The following DTNB variants were observed in gnomAD, a reference collection of about 807,000 sequenced individuals.
DTNB encodes DTN-B.
In DTNB, 63 loss-of-function variants were observed where a neutral mutation model predicts 90.7. The ratio of observed to expected loss-of-function variants is 0.69; its 90% CI spans 0.57 to 0.86. The LOEUF (loss-of-function observed/expected upper bound fraction) is 0.86. Among genes scored for constraint, DTNB ranks in the 40% least tolerant of loss-of-function variants. The pLI, the probability that DTNB is intolerant of heterozygous loss-of-function variation, is 0.00. For missense variants in DTNB, 744 were observed against 807.1 expected (o/e 0.92, Z 0.95); for synonymous variants, 277 against 286.7 (o/e 0.97, Z 0.34).
intron 5 of DTNB, among the ~76,000 whole-genome samples, chr2:25,602,838 G>A (rs1289160252): frequency 6.6e-6 from 1 of 152,084 alleles, no homozygotes; most frequent in Admixed American, 6.5e-5. Context: ...TTACACTTAT[G>A]CATTTTGATC....
intron 9 of DTNB, among the ~76,000 whole-genome samples, chr2:25,489,813 T>G (rs934050749): frequency 1.3e-5 from 2 of 151,570 alleles, no homozygotes; most frequent in Admixed American, 6.6e-5. Context: ...GAAAAAAAAA[T>G]TTGAGGAACT....
chr2:25,633,549 CA>C (rs1411219244), intron 3 of DTNB, among the ~76,000 whole-genome samples: 1 of 152,106 alleles, frequency 6.6e-6, no homozygotes, highest in African/African-American at 2.4e-5. Flanking sequence ...CTTGGCCCCC[CA>C]AAGTGCCAAG....
intron 16 of DTNB, among the ~76,000 whole-genome samples, chr2:25,417,929 C>G (rs2048363333): frequency 6.6e-6 from 1 of 152,124 alleles, no homozygotes; most frequent in Non-Finnish European, 1.5e-5. Flanking sequence ...TTCCCAGCCC[C>G]CTTGAGGTGA....
chr2:25,656,017 T>G (rs2082001017), intron 1 of DTNB, among the ~76,000 whole-genome samples: 1 of 152,208 alleles, frequency 6.6e-6, no homozygotes, highest in Non-Finnish European at 1.5e-5. Flanking sequence ...AGTACCTGGC[T>G]TGAAAACAAA....
At chr2:25,526,597 T>A (rs139883471) in intron 9 of DTNB, among the ~76,000 whole-genome samples, 1 of 151,788 alleles carries the variant, frequency 6.6e-6, no homozygotes, top group Non-Finnish European at 1.5e-5. Context: ...GATTTCACCA[T>A]GTTGGTCAGG....
At chr2:25,529,923 G>A (rs867974869) in intron 9 of DTNB, among the ~76,000 whole-genome samples, 1 of 152,298 alleles carries the variant, frequency 6.6e-6, no homozygotes, top group African/African-American at 2.4e-5. Flanking sequence ...GATGGCAGAC[G>A]TTAGGAGGCA....
chr2:25,398,632 G>A (rs533878025), intron 16 of DTNB, among the ~76,000 whole-genome samples: 1 of 152,280 alleles, frequency 6.6e-6, no homozygotes, highest in African/African-American at 2.4e-5. Context: ...TTCCTTGGTG[G>A]TTTTGACAAA....
At chr2:25,538,167 G>A (rs1033335051) in intron 8 of DTNB, among the ~76,000 whole-genome samples, 20 of 152,060 alleles carry the variant, frequency 1.3e-4, no homozygotes, top group Non-Finnish European at 4.4e-5. Flanking sequence ...AGGATCACTT[G>A]AGGCCAGGAG....
intron 6 of DTNB, among the ~76,000 whole-genome samples, chr2:25,592,593 TA>T: frequency 6.6e-6 from 1 of 152,198 alleles, no homozygotes; most frequent in Non-Finnish European, 1.5e-5. Flanking sequence ...AAATGTGTTT[TA>T]AAAAAGAATT....
chr2:25,471,633 C>T (rs2062830571), intron 10 of DTNB, among the ~76,000 whole-genome samples: 1 of 152,130 alleles, frequency 6.6e-6, no homozygotes, highest in African/African-American at 2.4e-5. Context: ...TGGCCTCAAG[C>T]AATCCAGATC....
chr2:25,455,204 G>C (rs1387218854), intron 11 of DTNB, among the ~76,000 whole-genome samples: 1 of 152,192 alleles, frequency 6.6e-6, no homozygotes, highest in Non-Finnish European at 1.5e-5. Flanking sequence ...CCATGTTTAG[G>C]TCAGCGCCCA....
chr2:25,550,288 G>A (rs891165175), intron 8 of DTNB, among the ~76,000 whole-genome samples: 32 of 152,132 alleles, frequency 2.1e-4, no homozygotes, highest in African/African-American at 7.7e-4. Flanking sequence ...CTACTCGGGA[G>A]GCTGAGGCAA....
At position 25,378,330 on chromosome 2, in the gene DTNB, T is replaced by C. The variant is rs993531779; in HGVS notation, c.*30-777A>G. Among the ~76,000 whole-genome samples, 3 of 152,202 alleles carry C rather than the reference T, an allele frequency of 2.0e-5. No homozygotes were observed. The East Asian group carries it at 5.8e-4, about 29-fold the overall frequency. On this transcript the variant is annotated intron_variant, in intron 20 of 20. Coordinates refer to ENST00000406818, the MANE Select transcript of DTNB (RefSeq NM_021907.5). ...TTCCAGGGCAGCGAGAGAATGTGCG[T>C]GGCCCAGGTGCTGCCCTCTCCTCAG...
intron 10 of DTNB, among the ~76,000 whole-genome samples, chr2:25,474,847 T>A (rs1361355846): frequency 6.6e-6 from 1 of 152,212 alleles, no homozygotes; most frequent in Non-Finnish European, 1.5e-5. Flanking sequence ...ATTATTATCA[T>A]CATATCGGTT....
At chr2:25,384,938 G>T (rs1187410673) in intron 18 of DTNB, among the ~76,000 whole-genome samples, 1 of 151,802 alleles carries the variant, frequency 6.6e-6, no homozygotes, top group Non-Finnish European at 1.5e-5. Context: ...GACTACAGCG[G>T]CGCGATCTTG....
chr2:25,457,286 A>C (rs2060197604), intron 10 of DTNB, among the ~76,000 whole-genome samples: 1 of 152,218 alleles, frequency 6.6e-6, no homozygotes, highest in Admixed American at 6.5e-5. Context: ...CTGAGAATAC[A>C]GGTGTGAGCC....
At position 25,533,972 on chromosome 2, in the gene DTNB, T is replaced by A. The variant is rs184139858; in HGVS notation, c.877-2375A>T. 4.4e-3 allele frequency among the ~76,000 whole-genome samples: 650 copies of A among 148,564 alleles called. 4 individuals are homozygous for A. The highest frequency in any genetic ancestry group is 0.015 in the African/African-American group (599 of 39,326). On this transcript the variant is annotated intron_variant, in intron 8 of 20. Coordinates refer to ENST00000406818, the MANE Select transcript of DTNB (RefSeq NM_021907.5). ...TATTTATTTATTTATTTATTTATTTTTTGGAAATGCAGCGTTTATTTTTTT... is the reference window on the plus strand; with the variant it reads ...TATTTATTTATTTATTTATTTATTTATTGGAAATGCAGCGTTTATTTTTTT...
chr2:25,558,211 T>C (rs1398743408), intron 8 of DTNB: 3 of 985,422 alleles, frequency 3.0e-6, no homozygotes, highest in Non-Finnish European at 2.4e-6. Context: ...ATTAAATTTA[T>C]TTAGAGAAAG....
intron 8 of DTNB, among the ~76,000 whole-genome samples, chr2:25,568,584 T>C (rs2059382055): frequency 6.6e-6 from 1 of 152,254 alleles, no homozygotes; most frequent in Non-Finnish European, 1.5e-5. Flanking sequence ...TTAGTTGTTT[T>C]AATAAAGTCT....
Sources: gnomAD v4.1 joint callset for allele counts (sites outside exome capture counted in the v4.1 genomes callset) on GRCh38, gnomAD v4.1.1 for gene constraint, MANE v1.5 for transcripts, NCBI Gene and HGNC (gene_info 2026-07-23, HGNC 2026-07-21) for gene names.